CORIN: variants seen among roughly 807,000 people sequenced by gnomAD.
CORIN encodes atrial natriuretic peptide-converting enzyme.
A neutral mutation model predicts 125.3 loss-of-function variants in CORIN; 117 were observed. The observed-to-expected ratio is 0.93, with a 90% confidence interval of 0.80 to 1.09. The LOEUF is 1.09. Ranked by LOEUF, CORIN falls within the 50% of genes least tolerant of loss-of-function variation. CORIN has a pLI of 0.00. For synonymous variants in CORIN, 450 were observed against 466.4 expected (o/e 0.96, Z 0.45); for missense variants, 1,253 against 1,306.7 (o/e 0.96, Z 0.63).
At chr4:47,604,939 C>T (rs770393743) in intron 19 of CORIN, among the ~76,000 whole-genome samples, 31 of 152,332 alleles carry the variant, frequency 2.0e-4, no homozygotes, top group Non-Finnish European at 4.3e-4. Context: ...CTAGACTCCC[C>T]TGGCCTCTGA....
intron 1 of CORIN, among the ~76,000 whole-genome samples, chr4:47,812,253 T>C (rs989734474): frequency 2.0e-5 from 3 of 152,108 alleles, no homozygotes; most frequent in African/African-American, 4.8e-5. Context: ...ACACCAGCAC[T>C]TTGGGAGGCT....
chr4:47,776,315 TC>T (rs1301701760), intron 3 of CORIN, among the ~76,000 whole-genome samples: 4 of 151,946 alleles, frequency 2.6e-5, no homozygotes, highest in African/African-American at 9.7e-5. Flanking sequence ...AGTCAAGGTC[TC>T]ACTCTGTTGC....
chr4:47,789,795 C>T (rs552376363), intron 2 of CORIN, among the ~76,000 whole-genome samples: 8 of 151,940 alleles, frequency 5.3e-5, no homozygotes, highest in African/African-American at 9.7e-5. Flanking sequence ...CTGAGGCAGG[C>T]GCATCATGAG....
At chr4:47,741,240 A>T (rs559314283) in intron 5 of CORIN, among the ~76,000 whole-genome samples, 1 of 152,174 alleles carries the variant, frequency 6.6e-6, no homozygotes, top group East Asian at 1.9e-4. Flanking sequence ...CAACAATTTA[A>T]AGAGGCAACC....
intron 5 of CORIN, among the ~76,000 whole-genome samples, chr4:47,699,585 T>C (rs529281593): frequency 6.6e-6 from 1 of 152,326 alleles, no homozygotes; most frequent in Non-Finnish European, 1.5e-5. Flanking sequence ...ACTGACACAT[T>C]ATACGTGCAA....
chr4:47,737,565 C>G (rs968262298), intron 5 of CORIN, among the ~76,000 whole-genome samples: 5 of 152,184 alleles, frequency 3.3e-5, no homozygotes, highest in African/African-American at 4.8e-5. Context: ...CAGAACTCCC[C>G]AAGGATTTAG....
At chr4:47,837,796 G>A in intron 1 of CORIN, 91 bp downstream of exon 1, 1 of 1,136,068 alleles carries the variant, frequency 8.8e-7, no homozygotes, top group South Asian at 1.2e-5. Context: ...GCGGAGGAGA[G>A]GACGGGGGCG....
intron 4 of CORIN, among the ~76,000 whole-genome samples, chr4:47,762,353 T>C (rs1012878486): frequency 1.6e-4 from 24 of 152,218 alleles, no homozygotes; most frequent in African/African-American, 5.3e-4. Context: ...TGCAACTTAT[T>C]CTTGTATTAC....
At chr4:47,608,334 A>AG (rs1721738954) in intron 19 of CORIN, among the ~76,000 whole-genome samples, 1 of 152,198 alleles carries the variant, frequency 6.6e-6, no homozygotes, top group African/African-American at 2.4e-5. Flanking sequence ...AGAAAAAAAA[A>AG]GAGCTAAATT....
At chr4:47,724,157 A>C (rs1727483847) in intron 5 of CORIN, among the ~76,000 whole-genome samples, 1 of 152,162 alleles carries the variant, frequency 6.6e-6, no homozygotes, top group Non-Finnish European at 1.5e-5. Context: ...GTAAGGGTCA[A>C]CAAATTTGAA....
At chr4:47,627,600 C>A (rs937980817) in intron 16 of CORIN, among the ~76,000 whole-genome samples, 5 of 152,056 alleles carry the variant, frequency 3.3e-5, no homozygotes. Flanking sequence ...AAGAATTTTT[C>A]TTTTTCTTGG....
chr4:47,809,506 G>A (rs1220539235), intron 1 of CORIN, among the ~76,000 whole-genome samples: 1 of 147,522 alleles, frequency 6.8e-6, no homozygotes, highest in Admixed American at 6.9e-5. Flanking sequence ...CCAGGTTCAT[G>A]CGATTCTCCT....
chr4:47,636,170 T>C (rs1466417224), intron 16 of CORIN, among the ~76,000 whole-genome samples: 7 of 152,216 alleles, frequency 4.6e-5, no homozygotes, highest in Non-Finnish European at 5.9e-5. Context: ...TGACCAACAC[T>C]AAAAGATTAG....
chr4:47,748,259 C>T (rs1232827395), intron 4 of CORIN, among the ~76,000 whole-genome samples: 5 of 152,136 alleles, frequency 3.3e-5, no homozygotes, highest in Non-Finnish European at 7.3e-5. Context: ...CATGGAACAG[C>T]GTGGTGAGAT....
intron 11 of CORIN, among the ~76,000 whole-genome samples, chr4:47,664,717 T>C (rs1179935626): frequency 1.3e-5 from 2 of 152,328 alleles, no homozygotes; most frequent in East Asian, 1.9e-4. Context: ...ATATCCCTTT[T>C]ATACTATCAT....
chr4:47,835,013 T>C (rs750075200), intron 1 of CORIN, among the ~76,000 whole-genome samples: 2 of 152,130 alleles, frequency 1.3e-5, no homozygotes, highest in Non-Finnish European at 2.9e-5. Context: ...CTCCTACTCT[T>C]CCCACCAAGG....
chr4:47,825,336 C>T (rs957096398), intron 1 of CORIN, among the ~76,000 whole-genome samples: 9 of 152,140 alleles, frequency 5.9e-5, no homozygotes, highest in East Asian at 1.9e-4. Context: ...GGTATTCTGC[C>T]GGGCTTTCCC....
At chr4:47,769,509 A>G (rs1487248465) in intron 3 of CORIN, among the ~76,000 whole-genome samples, 1 of 152,096 alleles carries the variant, frequency 6.6e-6, no homozygotes, top group Admixed American at 6.5e-5. Flanking sequence ...ACATTTTTCA[A>G]AGAAATACAA....
chr4:47,683,519 A>G (rs1037775310), intron 7 of CORIN: 5 of 432,908 alleles, frequency 1.2e-5, no homozygotes, highest in African/African-American at 6.1e-5. Context: ...CTTCTTAAAC[A>G]TTTTCTTAAT....
Sources: gnomAD v4.1 joint callset for allele counts (sites outside exome capture counted in the v4.1 genomes callset) on GRCh38, gnomAD v4.1.1 for gene constraint, MANE v1.5 for transcripts, NCBI Gene and HGNC (gene_info 2026-07-23, HGNC 2026-07-21) for gene names.